The following TENT5D variants were observed in gnomAD, a reference collection of about 807,000 sequenced individuals.
TENT5D encodes terminal nucleotidyltransferase 5D.
For missense variants in TENT5D, 191 were observed against 287.0 expected, an observed-to-expected ratio of 0.67 and a Z score of 2.42; for synonymous variants, 103 against 100.6, an observed-to-expected ratio of 1.02 and a Z score of -0.15.
intron 3 of TENT5D, among the ~76,000 whole-genome samples, chrX:80,348,140 G>C (rs1259084564): frequency 8.9e-6 from 1 of 111,824 alleles, no homozygotes; most frequent in Non-Finnish European, 1.9e-5. Context: ...TTTTGCTTAA[G>C]ATGGTCTTGG....
intron 3 of TENT5D, among the ~76,000 whole-genome samples, chrX:80,405,539 T>C (rs1373586600): frequency 1.8e-5 from 2 of 112,145 alleles, no homozygotes; most frequent in Non-Finnish European, 3.8e-5. Context: ...TATTGCGCTT[T>C]TCGGACCGGC....
intron 1 of TENT5D, among the ~76,000 whole-genome samples, chrX:80,437,531 G>A (rs1161864482): frequency 1.8e-5 from 2 of 111,012 alleles, no homozygotes; most frequent in Non-Finnish European, 3.8e-5. Context: ...AACACAGTAT[G>A]GAAACACCAA....
At chrX:80,381,737 C>T (rs763945367) in intron 3 of TENT5D, among the ~76,000 whole-genome samples, 5 of 111,983 alleles carry the variant, frequency 4.5e-5, no homozygotes, top group Admixed American at 9.5e-5. Context: ...CCCTTTCTTC[C>T]ACTTGATTGA....
intron 2 of TENT5D, among the ~76,000 whole-genome samples, chrX:80,339,451 G>T (rs1929915641): frequency 9.0e-6 from 1 of 111,308 alleles, no homozygotes; most frequent in South Asian, 3.7e-4. Flanking sequence ...TGGTTTCATA[G>T]TTCTGGTGTT....
intron 1 of TENT5D, among the ~76,000 whole-genome samples, chrX:80,437,810 A>G (rs972994260): frequency 3.6e-5 from 4 of 111,457 alleles, no homozygotes; most frequent in Non-Finnish European, 7.6e-5. Flanking sequence ...ATACATTCAG[A>G]CCAAAATCTT....
At chrX:80,395,099 TGTGA>T (rs1443218881) in intron 3 of TENT5D, among the ~76,000 whole-genome samples, 2 of 111,818 alleles carry the variant, frequency 1.8e-5, no homozygotes, top group Non-Finnish European at 3.8e-5. Flanking sequence ...AGATTTCACT[TGTGA>T]GTGAGATCAT....
chrX:80,404,878 T>A (rs1931452115), intron 3 of TENT5D, among the ~76,000 whole-genome samples: 1 of 112,185 alleles, frequency 8.9e-6, no homozygotes, highest in African/African-American at 3.2e-5. Context: ...CTCGGTTTTT[T>A]TCTAAGCAAA....
intron 3 of TENT5D, among the ~76,000 whole-genome samples, chrX:80,376,020 A>G (rs1005983425): frequency 1.8e-5 from 2 of 111,210 alleles, no homozygotes; most frequent in African/African-American, 6.5e-5. Context: ...TTGGATAACA[A>G]CAGTTTTCTG....
At chrX:80,354,470 A>G (rs1403877197) in intron 3 of TENT5D, among the ~76,000 whole-genome samples, 3 of 111,977 alleles carry the variant, frequency 2.7e-5, no homozygotes, top group Non-Finnish European at 1.9e-5. Flanking sequence ...CCTCAGCTCA[A>G]TCTATTCTGT....
chrX:80,427,288 G>T (rs1335399438), intron 1 of TENT5D, among the ~76,000 whole-genome samples: 3 of 107,541 alleles, frequency 2.8e-5, no homozygotes, highest in Non-Finnish European at 3.9e-5. Context: ...GAGGCATATG[G>T]TTACTTTCAT....
chrX:80,398,539 G>T (rs2147543971), intron 3 of TENT5D, among the ~76,000 whole-genome samples: 1 of 110,432 alleles, frequency 9.1e-6, no homozygotes, highest in South Asian at 3.9e-4. Flanking sequence ...TATCATTTCA[G>T]GACTTACATT....
intron 3 of TENT5D, among the ~76,000 whole-genome samples, chrX:80,386,933 G>A (rs1931025925): frequency 9.0e-6 from 1 of 111,684 alleles, no homozygotes; most frequent in Admixed American, 9.5e-5. Flanking sequence ...TACAATTCCG[G>A]ACCAACCAGC....
At chrX:80,421,655 G>C (rs139973970) in intron 1 of TENT5D, among the ~76,000 whole-genome samples, 340 of 112,201 alleles carry the variant, frequency 3.0e-3, no homozygotes, top group African/African-American at 0.011. Context: ...TTTTGAAATT[G>C]TTTCTTTAAA....
chrX:80,435,044 A>G (rs768129124), intron 1 of TENT5D, among the ~76,000 whole-genome samples: 1 of 110,695 alleles, frequency 9.0e-6, no homozygotes, highest in East Asian at 2.9e-4. Flanking sequence ...CAGCCTCTCA[A>G]AGTGCTGGGA....
At chrX:80,406,257 T>G (rs1288412331) in intron 3 of TENT5D, among the ~76,000 whole-genome samples, 1 of 112,144 alleles carries the variant, frequency 8.9e-6, no homozygotes, top group South Asian at 3.7e-4. Context: ...GGAGAATGAC[T>G]TCGACGAGCT....
intron 3 of TENT5D, among the ~76,000 whole-genome samples, chrX:80,398,545 A>G (rs893200361): frequency 2.7e-5 from 3 of 109,736 alleles, no homozygotes; most frequent in Admixed American, 9.7e-5. Context: ...TTCAGGACTT[A>G]CATTTATGTT....
At chrX:80,405,703 G>T (rs1371932739) in intron 3 of TENT5D, among the ~76,000 whole-genome samples, 1 of 107,910 alleles carries the variant, frequency 9.3e-6, no homozygotes, top group Non-Finnish European at 1.9e-5. Flanking sequence ...GCCCAGGCTT[G>T]CTTAGGTAAA....
rs757370528 is a variant in TENT5D, at chrX:80,360,316, T to G, written c.-142+17752T>G. Among the ~76,000 whole-genome samples the G allele has an allele frequency of 9.8e-5, 11 of 112,128 alleles. No individual in the cohort carries two copies. In the East Asian group the frequency reaches 3.1e-3, roughly 31 times the overall value. On this transcript the variant is annotated intron_variant, in intron 3 of 4. Coordinates refer to the TENT5D transcript ENST00000538312. ...AAGAAATTTTAAATAACTAACTTTT[T>G]TTGGATGAGATGTCTACAGTTCTAA...
chrX:80,416,400 T>A (rs995901714), upstream of TENT5D, among the ~76,000 whole-genome samples: 5 of 109,571 alleles, frequency 4.6e-5, no homozygotes, highest in Admixed American at 9.8e-5. Flanking sequence ...TTTTTTTTTT[T>A]ATCTTCCTAA....
Sources: gnomAD v4.1 joint callset for allele counts (sites outside exome capture counted in the v4.1 genomes callset) on GRCh38, gnomAD v4.1.1 for gene constraint, MANE v1.5 for transcripts, NCBI Gene and HGNC (gene_info 2026-07-23, HGNC 2026-07-21) for gene names.